The following AQR variants were observed in gnomAD, a reference collection of about 807,000 sequenced individuals.
AQR encodes the protein aquarius intron-binding spliceosomal factor, also known as RNA helicase aquarius.
Under a neutral mutation model 180.5 loss-of-function variants are expected in AQR, and 61 were observed. That is an observed-to-expected ratio of 0.34 (90% CI 0.28 to 0.42). The LOEUF (loss-of-function observed/expected upper bound fraction) is 0.42, where lower values mean the gene tolerates loss of function less well. Ranked by LOEUF, AQR falls within the 10% of genes least tolerant of loss-of-function variation. The probability of loss-of-function intolerance (pLI) is 1.00; values close to 1 mark genes in which losing one functional copy is unlikely to be tolerated. For missense variants in AQR, 1,281 were observed against 1,798.3 expected, an observed-to-expected ratio of 0.71 and a Z score of 5.20; for synonymous variants, 551 against 588.8, an observed-to-expected ratio of 0.94 and a Z score of 0.93.
chr15:34,871,506 CAA>C (rs916025647), intron 30 of AQR, among the ~76,000 whole-genome samples: 2,523 of 62,258 alleles, frequency 0.041, 63 homozygotes, highest in African/African-American at 0.12. Flanking sequence ...ATCTCATCTC[CAA>C]AAAAAAAAAA....
chr15:34,921,003 A>C (rs1181369883), intron 13 of AQR, among the ~76,000 whole-genome samples: 1 of 152,096 alleles, frequency 6.6e-6, no homozygotes, highest in Non-Finnish European at 1.5e-5. Flanking sequence ...ATTGTTTCAC[A>C]GTTTTATTTA....
At chr15:34,874,468 T>C (rs1205474045) in intron 29 of AQR, 1 of 523,914 alleles carries the variant, frequency 1.9e-6, no homozygotes, top group African/African-American at 2.0e-5. Flanking sequence ...TTACTTAAAT[T>C]AATATTAATG....
At chr15:34,944,101 T>C (rs976114346) in intron 6 of AQR, among the ~76,000 whole-genome samples, 187 bp downstream of exon 6, 3 of 152,218 alleles carry the variant, frequency 2.0e-5, no homozygotes, top group Non-Finnish European at 2.9e-5. Flanking sequence ...ACATATCTTA[T>C]AAAAACATAT....
At chr15:34,940,297 G>A (rs1014166294) in intron 8 of AQR, among the ~76,000 whole-genome samples, 13 of 152,190 alleles carry the variant, frequency 8.5e-5, no homozygotes, top group African/African-American at 2.4e-4. Flanking sequence ...TTAGGAGGCC[G>A]AGGCAGGCGG....
intron 32 of AQR, among the ~76,000 whole-genome samples, chr15:34,866,044 T>A (rs967697289): frequency 6.6e-6 from 1 of 152,130 alleles, no homozygotes; most frequent in Non-Finnish European, 1.5e-5. Context: ...ATAAATTGTA[T>A]ACGCAAATTA....
chr15:34,895,481 G>A (rs772517909), intron 22 of AQR, among the ~76,000 whole-genome samples: 6 of 151,378 alleles, frequency 4.0e-5, no homozygotes, highest in Non-Finnish European at 7.4e-5. Flanking sequence ...CAAATATAAC[G>A]ACAAGTAGAA....
intron 34 of AQR, among the ~76,000 whole-genome samples, chr15:34,857,992 T>C (rs1355307329): frequency 6.6e-6 from 1 of 152,092 alleles, no homozygotes; most frequent in Non-Finnish European, 1.5e-5. Flanking sequence ...GATCGATTGA[T>C]TGATTGACTG....
chr15:34,890,145 CTTT>C, intron 24 of AQR, 67 bp downstream of exon 24: 11 of 1,358,222 alleles, frequency 8.1e-6, no homozygotes, highest in South Asian at 3.9e-5. Context: ...CTTTCTTCTT[CTTT>C]AATAAAAGAA....
intron 26 of AQR, 48 bp downstream of exon 26, chr15:34,884,477 A>T: frequency 7.1e-7 from 1 of 1,417,690 alleles, no homozygotes; most frequent in Non-Finnish European, 9.6e-7. Context: ...AAACTAAACT[A>T]AATTAAAAAC....
intron 20 of AQR, among the ~76,000 whole-genome samples, chr15:34,900,093 A>C (rs979972175): frequency 1.3e-5 from 2 of 151,600 alleles, no homozygotes; most frequent in Non-Finnish European, 2.9e-5. Context: ...GGGTCTCGCT[A>C]TGTTGCCCAG....
At chr15:34,918,147 T>C in intron 15 of AQR, 111 bp downstream of exon 15, 3 of 1,149,764 alleles carry the variant, frequency 2.6e-6, no homozygotes, top group Non-Finnish European at 3.6e-6. Flanking sequence ...CACCAGGAAA[T>C]TATCCTAATG....
intron 1 of AQR, among the ~76,000 whole-genome samples, chr15:34,967,725 G>T (rs1196471081): frequency 6.6e-6 from 1 of 152,162 alleles, no homozygotes; most frequent in Non-Finnish European, 1.5e-5. Flanking sequence ...AGAGGAAACT[G>T]AAGATATAAG....
intron 3 of AQR, among the ~76,000 whole-genome samples, chr15:34,958,616 T>C (rs1032079779): frequency 1.5e-4 from 23 of 152,226 alleles, no homozygotes; most frequent in African/African-American, 5.3e-4. Context: ...TTTTGGTTGT[T>C]ATAAAAAATC....
chr15:34,906,035 G>A (rs766278059), intron 18 of AQR, among the ~76,000 whole-genome samples: 1 of 151,410 alleles, frequency 6.6e-6, no homozygotes. Flanking sequence ...CTCCGTCTTG[G>A]GGGGAAAAAA....
chr15:34,878,279 G>A (rs1024072215), intron 27 of AQR, among the ~76,000 whole-genome samples: 4 of 151,428 alleles, frequency 2.6e-5, no homozygotes, highest in African/African-American at 9.7e-5. Flanking sequence ...CCAGCTACTC[G>A]GGAGGCTGAG....
intron 30 of AQR, among the ~76,000 whole-genome samples, chr15:34,871,264 G>A (rs1436272345): frequency 6.6e-6 from 1 of 151,936 alleles, no homozygotes; most frequent in Non-Finnish European, 1.5e-5. Context: ...CCCAGCACTT[G>A]GGGAGGCCAA....
At chr15:34,886,844 T>C (rs946055722) in intron 24 of AQR, among the ~76,000 whole-genome samples, 183 bp from the exon 25 acceptor site, 7 of 151,876 alleles carry the variant, frequency 4.6e-5, no homozygotes, top group African/African-American at 1.2e-4. Context: ...TTAAAGTAGG[T>C]GGGTCACGGT....
chr15:34,957,810 A>C (rs1050601146), intron 3 of AQR, among the ~76,000 whole-genome samples: 1 of 151,474 alleles, frequency 6.6e-6, no homozygotes, highest in Non-Finnish European at 1.5e-5. Context: ...CAAAAAAATT[A>C]AAAAATAATA....
At chr15:34,905,664 A>G (rs1893400542) in intron 18 of AQR, among the ~76,000 whole-genome samples, 1 of 152,184 alleles carries the variant, frequency 6.6e-6, no homozygotes, top group South Asian at 2.1e-4. Context: ...CACCACTACA[A>G]TGAATTAAAA....
Sources: gnomAD v4.1 joint callset for allele counts (sites outside exome capture counted in the v4.1 genomes callset) on GRCh38, gnomAD v4.1.1 for gene constraint, MANE v1.5 for transcripts, NCBI Gene and HGNC (gene_info 2026-07-23, HGNC 2026-07-21) for gene names.